PCDHA3: variants seen among roughly 807,000 people sequenced by gnomAD.
PCDHA3 encodes the protein protocadherin alpha-3.
Under a neutral mutation model 62.2 loss-of-function variants are expected in PCDHA3, and 41 were observed. The observed-to-expected ratio is 0.66, with a 90% CI of 0.51 to 0.86. The LOEUF (loss-of-function observed/expected upper bound fraction) is 0.86, where lower values mean the gene tolerates loss of function less well. Among genes scored for constraint, PCDHA3 ranks in the 40% least tolerant of loss-of-function variants. PCDHA3 has a pLI of 0.00. For synonymous variants in PCDHA3, 640 were observed against 555.4 expected (o/e 1.15, Z -2.14); for missense variants, 1,304 against 1,241.2 (o/e 1.05, Z -0.76).
intron 2 of PCDHA3, 72 bp downstream of exon 2, chr5:140,979,079 T>C (rs1019875909): frequency 9.5e-6 from 15 of 1,584,162 alleles, no homozygotes; most frequent in African/African-American, 6.8e-5. Flanking sequence ...TGCATCTCCA[T>C]AGGCCAGAAG....
At position 140,849,787 on chromosome 5, in the gene PCDHA3, G is replaced by T. The variant is rs1421161535; in HGVS notation, c.2394+46196G>T. 3 of 1,598,342 alleles carry T rather than the reference G, an allele frequency of 1.9e-6. 1 individual carries two copies. In the African/African-American group the frequency reaches 4.0e-5, roughly 21 times the overall value. On this transcript the variant is annotated intron_variant, in intron 1 of 3. Transcript: ENST00000522353. Reference sequence around the variant, plus strand: ...CTGGTGGTTACCGCGCGGGACGGGGGCTCGCCTTCACTGTGGGCCACGGCC... The same window carrying T: ...CTGGTGGTTACCGCGCGGGACGGGGTCTCGCCTTCACTGTGGGCCACGGCC...
At chr5:140,828,306 A>G (rs1554131180) in intron 1 of PCDHA3, 3 of 1,613,930 alleles carry the variant, frequency 1.9e-6, no homozygotes, top group Non-Finnish European at 2.5e-6. Context: ...AAAGACCGCG[A>G]GGACCTTCTG....
At chr5:140,971,624 T>C (rs2153790714) in intron 1 of PCDHA3, among the ~76,000 whole-genome samples, 1 of 152,254 alleles carries the variant, frequency 6.6e-6, no homozygotes, top group East Asian at 1.9e-4. Flanking sequence ...TGGGGTACAA[T>C]TAGTACCATG....
intron 1 of PCDHA3, among the ~76,000 whole-genome samples, chr5:140,942,781 A>G (rs1554215214): frequency 6.6e-6 from 1 of 152,214 alleles, no homozygotes; most frequent in Admixed American, 6.5e-5. Context: ...TTTAGGCAGA[A>G]TATTACAAAG....
Position 140,812,326 on chromosome 5 carries a change from G to A in PCDHA3, c.2394+8735G>A, listed in dbSNP as rs1014995248. The A allele has an allele frequency of 6.6e-5, 10 of 152,006 alleles. No individual in the cohort carries two copies. The East Asian group carries it at 1.9e-3, about 29-fold the overall frequency. The allele number at this position is 152,006 out of a possible 1,614,324, so 9.4% of individuals were successfully genotyped here. On this transcript the variant is annotated intron_variant, in intron 1 of 3. Coordinates refer to ENST00000522353, the MANE Select transcript of PCDHA3 (RefSeq NM_018906.3). ...ATTTTAAAAGCCTCTTATAATTGTGGCATCAGGTGTAATGCCACCTCTTTT... is the reference window on the plus strand; with the variant it reads ...ATTTTAAAAGCCTCTTATAATTGTGACATCAGGTGTAATGCCACCTCTTTT...
chr5:141,003,258 G>T (rs1029666608), intron 3 of PCDHA3, among the ~76,000 whole-genome samples: 1 of 152,240 alleles, frequency 6.6e-6, no homozygotes, highest in Admixed American at 6.5e-5. Flanking sequence ...TTCCTGGGCA[G>T]TGCCTAAGGG....
chr5:140,819,544 C>T (rs1389575775), intron 1 of PCDHA3, among the ~76,000 whole-genome samples: 2 of 152,036 alleles, frequency 1.3e-5, no homozygotes, highest in Non-Finnish European at 2.9e-5. Flanking sequence ...TAATCTGTAA[C>T]ATTTGATTGA....
intron 1 of PCDHA3, chr5:140,852,049 T>C (rs2042227542): frequency 2.2e-6 from 2 of 915,990 alleles, no homozygotes; most frequent in Non-Finnish European, 2.7e-6. Flanking sequence ...TGTTATGTGG[T>C]TTATATTTTT....
rs2150201069 is a variant in PCDHA3, at chr5:140,832,336, T to C, written c.2394+28745T>C. ...GCTTAAGGGCCATTAGAGGACTGAG[T>C]TGTGGTTTGTGTTTCCTAATGTGAG... On this transcript the variant is annotated intron_variant, in intron 1 of 3. Coordinates refer to ENST00000522353, the MANE Select transcript of PCDHA3 (RefSeq NM_018906.3). Among the ~76,000 whole-genome samples, 820 of 152,216 alleles carry C rather than the reference T, an allele frequency of 5.4e-3. 7 individuals carry two copies. Among genetic ancestry groups the C allele is most frequent in the African/African-American group, 0.018 (760 of 41,540 alleles).
chr5:141,005,339 T>C (rs920058303), intron 3 of PCDHA3, among the ~76,000 whole-genome samples: 5 of 151,926 alleles, frequency 3.3e-5, no homozygotes, highest in African/African-American at 9.7e-5. Context: ...GCCAAGGGGG[T>C]GCTGCTTGGC....
chr5:140,836,235 G>T (rs1774308419), intron 1 of PCDHA3: 1 of 1,613,794 alleles, frequency 6.2e-7, no homozygotes, highest in Admixed American at 1.7e-5. Flanking sequence ...GGCGGCCGGT[G>T]CGAGCATCCC....
Position 140,841,358 on chromosome 5 carries a change from C to T in PCDHA3, c.2394+37767C>T, listed in dbSNP as rs2150314140. 4 of 1,612,986 alleles carry T rather than the reference C, an allele frequency of 2.5e-6. No individual in the cohort carries two copies. In the South Asian group the frequency reaches 4.4e-5, roughly 18 times the overall value. ...CTGGCGAGGAGAGCTGGGATCCTGG[C>T]GACTACTACTCTTGCTTCTGCTCCT... On this transcript the variant is annotated intron_variant, in intron 1 of 3. Transcript: ENST00000522353.
chr5:140,958,089 C>A (rs2095409002), intron 1 of PCDHA3, among the ~76,000 whole-genome samples: 1 of 151,872 alleles, frequency 6.6e-6, no homozygotes, highest in African/African-American at 2.4e-5. Context: ...TAAAGTTGTA[C>A]AATAGTGTGT....
chr5:140,923,451 C>T (rs1256990906), intron 1 of PCDHA3, among the ~76,000 whole-genome samples: 2 of 151,914 alleles, frequency 1.3e-5, no homozygotes, highest in African/African-American at 4.8e-5. Context: ...TCACCTGAGC[C>T]CAGAGAGGTA....
chr5:140,986,758 G>A (rs1242772553), intron 3 of PCDHA3, among the ~76,000 whole-genome samples: 1 of 152,194 alleles, frequency 6.6e-6, no homozygotes, highest in Non-Finnish European at 1.5e-5. Context: ...ACTAAACAGT[G>A]AAAGATTAAT....
chr5:140,926,981 C>T (rs1420415867), intron 1 of PCDHA3: 3 of 1,610,216 alleles, frequency 1.9e-6, no homozygotes, highest in Admixed American at 1.7e-5. Context: ...CCGGAGGAGA[C>T]GGAGCGGGGC....
At chr5:140,828,625 C>T (rs1202747267) in intron 1 of PCDHA3, 5 of 1,614,096 alleles carry the variant, frequency 3.1e-6, no homozygotes, top group African/African-American at 1.3e-5. Context: ...GCGAATACTT[C>T]GGGCTAGATG....
chr5:140,944,623 T>A (rs535315515), intron 1 of PCDHA3, among the ~76,000 whole-genome samples: 62 of 152,320 alleles, frequency 4.1e-4, no homozygotes, highest in Non-Finnish European at 7.3e-4. Context: ...AGAAGTATAG[T>A]GTTGTAAGCC....
chr5:140,992,470 G>T (rs1027762445), intron 3 of PCDHA3, among the ~76,000 whole-genome samples: 2 of 152,192 alleles, frequency 1.3e-5, no homozygotes, highest in African/African-American at 4.8e-5. Context: ...GTACTCTTTA[G>T]ATCACCCAGA....
Sources: allele counts gnomAD v4.1 joint callset (sites outside exome capture counted in the v4.1 genomes callset), GRCh38; gene constraint gnomAD v4.1.1; transcripts MANE v1.5; gene names NCBI Gene and HGNC (gene_info 2026-07-23, HGNC 2026-07-21).